Variants in ACSM2B observed in about 807,000 individuals in gnomAD.
ACSM2B encodes the protein acyl-coenzyme A synthetase ACSM2B, mitochondrial.
In ACSM2B, 58 loss-of-function variants were observed where a neutral mutation model predicts 78.6. The observed-to-expected ratio is 0.74, with a 90% CI of 0.60 to 0.92. The LOEUF (loss-of-function observed/expected upper bound fraction) is 0.92. Among genes scored for constraint, ACSM2B ranks in the 40% least tolerant of loss-of-function variants. The pLI, the probability that ACSM2B is intolerant of heterozygous loss-of-function variation, is 0.00. For missense variants in ACSM2B, 688 were observed against 711.2 expected, an observed-to-expected ratio of 0.97 and a Z score of 0.37; for synonymous variants, 257 against 256.8, an observed-to-expected ratio of 1.00 and a Z score of -0.01.
intron 1 of ACSM2B, among the ~76,000 whole-genome samples, chr16:20,570,365 A>G (rs1372828111): frequency 6.6e-6 from 1 of 151,966 alleles, no homozygotes. Context: ...TATCACATTT[A>G]TTGACTTGTG....
chr16:20,572,183 T>C (rs2016109911), intron 1 of ACSM2B, among the ~76,000 whole-genome samples: 2 of 151,134 alleles, frequency 1.3e-5, no homozygotes, highest in South Asian at 4.2e-4. Flanking sequence ...GTGAGGTTTA[T>C]GCTTTAAAAA....
chr16:20,559,700 C>T (rs1362393295), intron 2 of ACSM2B, among the ~76,000 whole-genome samples: 1 of 147,698 alleles, frequency 6.8e-6, no homozygotes, highest in Admixed American at 6.6e-5. Context: ...GTAATAAACC[C>T]ATTATATATT....
chr16:20,568,999 C>T (rs1204340061), intron 1 of ACSM2B, among the ~76,000 whole-genome samples: 1 of 151,842 alleles, frequency 6.6e-6, no homozygotes, highest in Non-Finnish European at 1.5e-5. Context: ...AAGATTTTCT[C>T]TCACTCCATG....
chr16:20,552,433 A>G, intron 5 of ACSM2B, 136 bp from the exon 6 acceptor site: 6 of 1,287,956 alleles, frequency 4.7e-6, no homozygotes, highest in Non-Finnish European at 6.2e-6. Flanking sequence ...TTATAGGCAT[A>G]TGTTTAAGTA....
At chr16:20,550,858 G>C (rs563466848) in intron 6 of ACSM2B, among the ~76,000 whole-genome samples, 20 of 152,210 alleles carry the variant, frequency 1.3e-4, no homozygotes, top group African/African-American at 4.8e-4. Context: ...TTTAATGGCT[G>C]TACCATCAAG....
intron 1 of ACSM2B, among the ~76,000 whole-genome samples, chr16:20,566,835 A>G (rs886737271): frequency 8.5e-5 from 10 of 118,036 alleles, no homozygotes; most frequent in African/African-American, 2.6e-4. Context: ...TCTTTTATAT[A>G]TATACTATAT....
intron 9 of ACSM2B, 27 bp from the exon 10 acceptor site, chr16:20,545,285 T>C: frequency 6.2e-7 from 1 of 1,607,734 alleles, no homozygotes; most frequent in South Asian, 1.1e-5. Context: ...ATTGGAAGAA[T>C]GACGCACACA....
chr16:20,573,373 C>A (rs1323308392), intron 1 of ACSM2B, among the ~76,000 whole-genome samples: 1 of 150,398 alleles, frequency 6.6e-6, no homozygotes, highest in Non-Finnish European at 1.5e-5. Context: ...GGGAGGCCAT[C>A]ACTATTGCCT....
intron 8 of ACSM2B, chr16:20,547,590 T>G (rs2152134797): frequency 1.0e-6 from 1 of 994,226 alleles, no homozygotes; most frequent in South Asian, 4.4e-5. Flanking sequence ...TCCAAGAAGA[T>G]ATGTCAGGAG....
At chr16:20,552,550 G>T (rs2015350123) in intron 5 of ACSM2B, among the ~76,000 whole-genome samples, 1 of 152,098 alleles carries the variant, frequency 6.6e-6, no homozygotes, top group Non-Finnish European at 1.5e-5. Context: ...ATATATAATT[G>T]GGTCTCATTC....
rs1250006159 is a variant in ACSM2B at position 20,536,895 on chromosome 16, TTCTA to T, written c.*359_*362del. On this transcript the variant is annotated 3_prime_UTR_variant, in exon 14 of 14. Transcript: ENST00000329697. ...CTGATTCTCCCTTCAATTATTTTTC[TTCTA>T]TCTTTTCTCCCCCTTTCATCTCCTC... The T allele has an allele frequency of 1.1e-5, 2 of 176,822 alleles. No individual in the cohort carries two copies. Among genetic ancestry groups the T allele is most frequent in the Non-Finnish European group, 2.4e-5 (2 of 84,842 alleles). The allele number at this position is 176,822 out of a possible 1,614,324, so 11.0% of individuals were successfully genotyped here.
chr16:20,545,144 C>G lies in ACSM2B; in HGVS notation c.1281+13G>C, dbSNP rs772159338. 8 of 1,608,272 alleles carry G rather than the reference C, an allele frequency of 5.0e-6. No individual in the cohort carries two copies. Among genetic ancestry groups the G allele is most frequent in the Non-Finnish European group, 6.0e-6 (7 of 1,175,978 alleles). The stretch of plus-strand genomic sequence containing the variant: ...TCACTGGGGAACAGAGGAGGAGAAG[C>G]ACAGTTTCTCACCACATAGCCAGAG... On this transcript the variant is annotated intron_variant, in intron 10 of 13. Transcript: ENST00000329697.
rs540307976 is a variant in ACSM2B at position 20,559,890 on chromosome 16, T to C, written c.178-443A>G. ...ATTCACTCTGTTGTGAGTACCAACA[T>C]GTATCTTCTGGAAAATGCTATTGTA... On this transcript the variant is annotated intron_variant, in intron 2 of 13. Coordinates refer to ENST00000329697, the MANE Select transcript of ACSM2B (RefSeq NM_001105069.2). Among the ~76,000 whole-genome samples, 2 of 151,170 alleles carry C rather than the reference T, an allele frequency of 1.3e-5. 1 individual carries two copies. The highest frequency in any genetic ancestry group is 4.2e-4 in the South Asian group (2 of 4,778).
In ACSM2B at chr16:20,553,991, T is replaced by C. The variant is rs549091216; in HGVS notation, c.597-71A>G. 35 of 1,604,114 alleles carry C rather than the reference T, an allele frequency of 2.2e-5. No individual in the cohort carries two copies. In the South Asian group the frequency reaches 3.3e-4, roughly 15 times the overall value. On this transcript the variant is annotated intron_variant, in intron 4 of 13. Transcript: ENST00000329697. ...CCAGATATCAAAGTGACCCATCTTT[T>C]CCCACCACCCACTGTGCTGAAAAGG...
Position 20,574,873 on chromosome 16 carries a change from C to G in ACSM2B, c.-9+1334G>C, listed in dbSNP as rs574088509. On this transcript the variant is annotated intron_variant, in intron 1 of 13. Transcript: ENST00000329697. ...TGCTTCTGAAGCTGGGAGATAGAAT[C>G]CCCGAGTTCATCATTTTCTTTCATC... Among the ~76,000 whole-genome samples, 61 of 150,516 alleles carry G rather than the reference C, an allele frequency of 4.1e-4. 1 individual carries two copies. The East Asian group carries it at 0.012, about 29-fold the overall frequency.
chr16:20,549,868 G>T (rs7499739), intron 6 of ACSM2B: 128,378 of 427,608 alleles, frequency 0.3, 23,493 homozygotes, highest in East Asian at 0.86. Context: ...TGGTTGAGTT[G>T]ATCTAAAGAC....
intron 1 of ACSM2B, among the ~76,000 whole-genome samples, chr16:20,566,702 ATATATAGTATATATAG>A (rs2015881042): frequency 9.2e-5 from 4 of 43,700 alleles, no homozygotes; most frequent in African/African-American, 4.4e-4. Flanking sequence ...TATATAGTAT[ATATATAGTATATATAG>A]TATATACTAT....
At chr16:20,544,993 A>C (rs1263755272) in intron 10 of ACSM2B, among the ~76,000 whole-genome samples, 164 bp downstream of exon 10, 1 of 152,228 alleles carries the variant, frequency 6.6e-6, no homozygotes, top group Non-Finnish European at 1.5e-5. Context: ...AAGGCTGAAT[A>C]GCCACTTTTC....
At position 20,542,949 on chromosome 16, in the gene ACSM2B, C is replaced by A; in HGVS notation, c.1474G>T (p.Ala492Ser). 6.2e-7 allele frequency: 1 copy of A among 1,613,730 alleles called. No homozygotes were observed. Among genetic ancestry groups the A allele is most frequent in the Non-Finnish European group, 8.5e-7 (1 of 1,179,854 alleles). ...LMKHPAVVET[A>S]VISSPDPVRG... ...ACGGGGTCTGGGCTGCTGATCACAG[C>A]CGTCTCAACCACAGCAGGGTGCTTC... is the stretch of plus-strand genomic sequence containing the variant. The change falls in exon 12 of 14, where the codon GCT (alanine) becomes TCT (serine). Residue 492 changes from alanine to serine, a missense_variant. By Grantham distance (99) the Ala-to-Ser change is moderately conservative (BLOSUM62 1). Coordinates refer to ENST00000329697, the MANE Select transcript of ACSM2B (RefSeq NM_001105069.2).
Sources: gnomAD v4.1 joint callset for allele counts (sites outside exome capture counted in the v4.1 genomes callset) on GRCh38, gnomAD v4.1.1 for gene constraint, MANE v1.5 for transcripts, NCBI Gene and HGNC (gene_info 2026-07-23, HGNC 2026-07-21) for gene names.